SLC17A8: variants seen among roughly 807,000 people sequenced by gnomAD.
The protein encoded by SLC17A8 is vesicular glutamate transporter 3.
Under a neutral mutation model 58.0 loss-of-function variants are expected in SLC17A8, and 31 were observed. That is an observed-to-expected ratio of 0.53 (90% CI 0.40 to 0.72). The LOEUF is 0.72. Among genes scored for constraint, SLC17A8 ranks in the 30% least tolerant of loss-of-function variants. SLC17A8 has a pLI of 0.00. For synonymous variants in SLC17A8, 228 were observed against 249.0 expected, an observed-to-expected ratio of 0.92 and a Z score of 0.79; for missense variants, 655 against 727.8, an observed-to-expected ratio of 0.90 and a Z score of 1.15.
rs1314045767 is a variant in SLC17A8, at chr12:100,421,322, A to G, written c.*1163A>G. The G allele has an allele frequency of 1.3e-5, 2 of 152,144 alleles. No homozygotes were observed. Among genetic ancestry groups the G allele is most frequent in the Non-Finnish European group, 2.9e-5 (2 of 68,010 alleles). The allele number at this position is 152,144 out of a possible 1,614,324, so 9.4% of individuals were successfully genotyped here. A position where few individuals can be genotyped will look rare whatever the true frequency, so the allele number is the denominator to read the frequency against. ...TTTCATCAGATTGTATAAAATTATG[A>G]TTTTGTATCAAAAGTATTCATGATG... On this transcript the variant is annotated 3_prime_UTR_variant, in exon 12 of 12. Coordinates refer to ENST00000323346, the MANE Select transcript of SLC17A8 (RefSeq NM_139319.3).
intron 2 of SLC17A8, among the ~76,000 whole-genome samples, chr12:100,386,229 C>G (rs1440366022): frequency 6.6e-6 from 1 of 152,084 alleles, no homozygotes; most frequent in Non-Finnish European, 1.5e-5. Flanking sequence ...ATATCTGACA[C>G]AGTGTTTGGT....
chr12:100,361,699 T>C (rs10860584), intron 1 of SLC17A8, among the ~76,000 whole-genome samples: 122,096 of 152,166 alleles, frequency 0.8, 49,956 homozygotes, highest in East Asian at 1. Context: ...TGGTGGCTCA[T>C]GCCTATAATC....
intron 1 of SLC17A8, among the ~76,000 whole-genome samples, chr12:100,370,308 T>A (rs1192176716): frequency 6.7e-6 from 1 of 148,986 alleles, no homozygotes; most frequent in Non-Finnish European, 1.5e-5. Flanking sequence ...TTTTATTTTT[T>A]ATTTTTGAGA....
At chr12:100,365,524 T>G (rs1475184439) in intron 1 of SLC17A8, among the ~76,000 whole-genome samples, 1 of 152,210 alleles carries the variant, frequency 6.6e-6, no homozygotes, top group East Asian at 1.9e-4. Context: ...TGTCATGGAA[T>G]AAGTGGGTTA....
rs1592993714 is a variant in SLC17A8, at chr12:100,380,937, G to C, written c.338G>C (p.Gly113Ala). ...MVNNSTVYVDGKPEIQTAQFN... is the reference protein window; with the variant it reads ...MVNNSTVYVDAKPEIQTAQFN... ...AACAATAGCACCGTATATGTTGATG[G>C]AAAACCGGAAATTCAGGTTGGTATC... The change falls in exon 2 of 12, where the codon GGA (glycine) becomes GCA (alanine). Residue 113 changes from glycine to alanine, a missense_variant. Physicochemically the swap from Gly to Ala is moderately conservative, Grantham distance 60. Coordinates refer to ENST00000323346, the MANE Select transcript of SLC17A8 (RefSeq NM_139319.3). 3 of 1,614,092 alleles carry C rather than the reference G, an allele frequency of 1.9e-6. No individual in the cohort carries two copies. In the East Asian group the frequency reaches 6.7e-5, roughly 36 times the overall value.
chr12:100,369,103 C>A (rs1952541480), intron 1 of SLC17A8, among the ~76,000 whole-genome samples: 1 of 152,014 alleles, frequency 6.6e-6, no homozygotes, highest in Admixed American at 6.6e-5. Context: ...TGGTGAAATC[C>A]CATCTCTACT....
At chr12:100,414,714 GA>G (rs1275437412) in intron 10 of SLC17A8, among the ~76,000 whole-genome samples, 1 of 152,178 alleles carries the variant, frequency 6.6e-6, no homozygotes, top group Non-Finnish European at 1.5e-5. Flanking sequence ...GTATTTATTT[GA>G]AGTCCTTAGC....
chr12:100,412,605 A>C lies in SLC17A8; in HGVS notation c.1187-165A>C, dbSNP rs548126777. ...TTCAAGTAAAGTTAAAAAAAAAAAAAAAAAAACTTAAATTCCAGAACTTAA... is the reference window on the plus strand; with the variant it reads ...TTCAAGTAAAGTTAAAAAAAAAAAACAAAAAACTTAAATTCCAGAACTTAA... On this transcript the variant is annotated intron_variant, in intron 9 of 11. Coordinates refer to ENST00000323346, the MANE Select transcript of SLC17A8 (RefSeq NM_139319.3). Among the ~76,000 whole-genome samples, 120 of 151,774 alleles carry C rather than the reference A, an allele frequency of 7.9e-4. 1 individual carries two copies. In the East Asian group the frequency reaches 0.011, roughly 14 times the overall value.
intron 1 of SLC17A8, among the ~76,000 whole-genome samples, chr12:100,367,772 C>T (rs925080954): frequency 3.3e-5 from 5 of 152,294 alleles, no homozygotes; most frequent in South Asian, 2.1e-4. Context: ...AGAATGGTCT[C>T]GAACTCCTGG....
At chr12:100,405,426 A>T (rs1814775667) in intron 9 of SLC17A8, among the ~76,000 whole-genome samples, 1 of 152,142 alleles carries the variant, frequency 6.6e-6, no homozygotes, top group Admixed American at 6.5e-5. Context: ...GGTTCTTGAG[A>T]TGGGAGTTTA....
In SLC17A8 at chr12:100,381,064, C is replaced by T. The variant is rs1408812207; in HGVS notation, c.354+111C>T. The T allele has an allele frequency of 3.0e-6, 4 of 1,315,330 alleles. No individual in the cohort carries two copies. In the African/African-American group the frequency reaches 5.8e-5, roughly 19 times the overall value. 81.5% of individuals were successfully genotyped at this position (1,315,330 alleles called of 1,614,324 possible). ...TTGGCTTACTGCAGCCCCAACCTGCCAGGTTGAAATTAACCTCCCATCTCA... is the reference window on the plus strand; with the variant it reads ...TTGGCTTACTGCAGCCCCAACCTGCTAGGTTGAAATTAACCTCCCATCTCA... On this transcript the variant is annotated intron_variant, in intron 2 of 11. Coordinates refer to ENST00000323346, the MANE Select transcript of SLC17A8 (RefSeq NM_139319.3).
intron 1 of SLC17A8, among the ~76,000 whole-genome samples, chr12:100,362,177 G>A (rs1952489326): frequency 6.6e-6 from 1 of 151,976 alleles, no homozygotes; most frequent in South Asian, 2.1e-4. Flanking sequence ...TTATTTGGAG[G>A]CCACTGAGCA....
chr12:100,395,879 C>T (rs1008211760), intron 4 of SLC17A8, among the ~76,000 whole-genome samples: 5 of 152,222 alleles, frequency 3.3e-5, no homozygotes, highest in African/African-American at 9.6e-5. Flanking sequence ...TCTCAAAGTG[C>T]TGGGACTACA....
intron 1 of SLC17A8, among the ~76,000 whole-genome samples, chr12:100,362,593 G>A (rs1287303420): frequency 6.6e-6 from 1 of 152,084 alleles, no homozygotes; most frequent in Non-Finnish European, 1.5e-5. Flanking sequence ...GGAAGTAGAA[G>A]TGTGCTTGCC....
At chr12:100,409,969 C>T (rs1424411360) in intron 9 of SLC17A8, among the ~76,000 whole-genome samples, 2 of 152,150 alleles carry the variant, frequency 1.3e-5, no homozygotes, top group Admixed American at 6.5e-5. Context: ...TCATGACAAA[C>T]ACGTTAAGCA....
intron 10 of SLC17A8, among the ~76,000 whole-genome samples, chr12:100,414,838 C>A (rs146661351): frequency 2.7e-4 from 41 of 152,322 alleles, no homozygotes; most frequent in African/African-American, 9.9e-4. Context: ...TAAGATATTT[C>A]AGAATGCAGA....
At chr12:100,381,340 G>A (rs143329133) in intron 2 of SLC17A8, among the ~76,000 whole-genome samples, 30 of 152,310 alleles carry the variant, frequency 2.0e-4, no homozygotes, top group African/African-American at 6.7e-4. Context: ...GAATGACCTA[G>A]ACTGAGCCCT....
chr12:100,363,047 C>T (rs1440348255), intron 1 of SLC17A8, among the ~76,000 whole-genome samples: 1 of 152,164 alleles, frequency 6.6e-6, no homozygotes, highest in Non-Finnish European at 1.5e-5. Flanking sequence ...CTGATTCCTC[C>T]TGAAGATTAG....
chr12:100,395,279 T>G (rs988793025), intron 4 of SLC17A8, among the ~76,000 whole-genome samples: 5 of 152,188 alleles, frequency 3.3e-5, no homozygotes, highest in Non-Finnish European at 5.9e-5. Flanking sequence ...TTAGTCCATT[T>G]GGGCTTCTAC....
Sources: allele counts gnomAD v4.1 joint callset (sites outside exome capture counted in the v4.1 genomes callset), GRCh38; gene constraint gnomAD v4.1.1; transcripts MANE v1.5; gene names NCBI Gene and HGNC (gene_info 2026-07-23, HGNC 2026-07-21).